The following CELF2 variants were observed in gnomAD, a reference collection of about 807,000 sequenced individuals.
CELF2 encodes the protein CUG triplet repeat RNA-binding protein 2.
Under a neutral mutation model 62.6 loss-of-function variants are expected in CELF2, and 8 were observed. The observed-to-expected ratio is 0.13, with a 90% CI of 0.07 to 0.23. The LOEUF (loss-of-function observed/expected upper bound fraction) is 0.23. Among genes scored for constraint, CELF2 ranks in the 10% least tolerant of loss-of-function variants. The pLI, the probability that CELF2 is intolerant of heterozygous loss-of-function variation, is 1.00. For missense variants in CELF2, 333 were observed against 671.0 expected, an observed-to-expected ratio of 0.50 and a Z score of 5.56; for synonymous variants, 258 against 250.0, an observed-to-expected ratio of 1.03 and a Z score of -0.30.
chr10:10,850,985 T>C (rs945021869), intron 1 of CELF2, among the ~76,000 whole-genome samples: 22 of 152,066 alleles, frequency 1.4e-4, no homozygotes, highest in Admixed American at 6.6e-5. Context: ...TTTGTATTTT[T>C]AGTAGAGACG....
At chr10:11,204,301 T>G (rs1377787762) in intron 2 of CELF2, among the ~76,000 whole-genome samples, 1 of 152,224 alleles carries the variant, frequency 6.6e-6, no homozygotes, top group Non-Finnish European at 1.5e-5. Flanking sequence ...ACCTAGCCAT[T>G]AAACCGCATC....
the CELF2 span, among the ~76,000 whole-genome samples, chr10:10,651,420 G>A: frequency 7.0e-6 from 1 of 142,702 alleles, no homozygotes; most frequent in Non-Finnish European, 1.6e-5. Flanking sequence ...TGGGGGCAGG[G>A]CACAGACAAA....
In CELF2 at chr10:11,332,467, G is replaced by C. The variant is rs2096046010; in HGVS notation, c.*3414G>C. The C allele has an allele frequency of 6.6e-6, 1 of 152,156 alleles. No individual in the cohort carries two copies. Among genetic ancestry groups the C allele is most frequent in the Admixed American group, 6.6e-5 (1 of 15,240 alleles). The allele number at this position is 152,156 out of a possible 1,614,324, so 9.4% of individuals were successfully genotyped here. On this transcript the variant is annotated 3_prime_UTR_variant, in exon 13 of 13. Transcript: ENST00000633077. ...ATTGAACACATTTCATCTAAGTAAA[G>C]CTCAGTTCTTTATCACAATTTACTG...
chr10:10,969,525 C>G (rs2050524503), intron 2 of CELF2, among the ~76,000 whole-genome samples: 2 of 152,170 alleles, frequency 1.3e-5, no homozygotes, highest in Non-Finnish European at 2.9e-5. Context: ...CCCCGTTGTG[C>G]TACACATACA....
intron 1 of CELF2, among the ~76,000 whole-genome samples, chr10:10,832,635 T>C (rs1276107148): frequency 6.6e-6 from 1 of 152,156 alleles, no homozygotes; most frequent in Non-Finnish European, 1.5e-5. Flanking sequence ...GATGATCAAA[T>C]CAATTGACTA....
chr10:10,928,329 T>C lies in CELF2; in HGVS notation c.89+8330T>C, dbSNP rs1479490495. ...TTTCAGAGATAAGAAAACTGAGATCTGGTCTCCTACTCTTTGTATGTGTTC... is the reference window on the plus strand; with the variant it reads ...TTTCAGAGATAAGAAAACTGAGATCCGGTCTCCTACTCTTTGTATGTGTTC... On this transcript the variant is annotated intron_variant, in intron 2 of 13. Transcript: ENST00000636488. The surrounding 1 kb of genome is among the most constrained non-coding windows in gnomAD (Gnocchi z 4.8). 6.6e-6 allele frequency among the ~76,000 whole-genome samples: 1 copy of C among 152,162 alleles called. No homozygotes were observed. Among genetic ancestry groups the C allele is most frequent in the Non-Finnish European group, 1.5e-5 (1 of 68,028 alleles).
chr10:10,489,792 T>C, the CELF2 span, among the ~76,000 whole-genome samples: 3 of 152,080 alleles, frequency 2.0e-5, no homozygotes, highest in Non-Finnish European at 2.9e-5. Flanking sequence ...ATGGTAAGAT[T>C]TCAGGTGGAG....
At chr10:11,160,549 A>G (rs1054187318) in intron 1 of CELF2, among the ~76,000 whole-genome samples, 3 of 151,760 alleles carry the variant, frequency 2.0e-5, no homozygotes, top group African/African-American at 4.8e-5. Flanking sequence ...CATTAGCCAC[A>G]TGTATCTAGT....
rs2082923545 is a variant in CELF2, at chr10:11,268,912, C to G, written c.619-1754C>G. Among the ~76,000 whole-genome samples the G allele has an allele frequency of 6.6e-6, 1 of 152,152 alleles. No homozygotes were observed. The highest frequency in any genetic ancestry group is 2.4e-5 in the African/African-American group (1 of 41,420). The stretch of plus-strand genomic sequence containing the variant: ...TAATTTTATATCGTGCCTTCTGTTT[C>G]TCCACTTGCCTTCACTCTATCCCTG... On this transcript the variant is annotated intron_variant, in intron 6 of 12. Coordinates refer to ENST00000633077, the MANE Select transcript of CELF2 (RefSeq NM_001326342.2). This position sits in a 1 kb window ranked among gnomAD's most constrained non-coding sequence, Gnocchi z 4.7.
At chr10:10,696,982 C>G in the CELF2 span, among the ~76,000 whole-genome samples, 1 of 152,172 alleles carries the variant, frequency 6.6e-6, no homozygotes, top group Non-Finnish European at 1.5e-5. Context: ...GGGAGCTGTT[C>G]CTATTCGGCC....
At chr10:10,840,815 A>G (rs1041508515) in intron 1 of CELF2, among the ~76,000 whole-genome samples, 4 of 151,960 alleles carry the variant, frequency 2.6e-5, no homozygotes, top group African/African-American at 4.8e-5. Flanking sequence ...TGCATTTGGT[A>G]TTTGTCCTAA....
the CELF2 span, among the ~76,000 whole-genome samples, chr10:10,753,403 A>C: frequency 1.3e-5 from 2 of 152,140 alleles, no homozygotes; most frequent in East Asian, 1.9e-4. Context: ...AGAGTGATTC[A>C]CAAAAAAATA....
chr10:10,868,884 A>G (rs1014377175), intron 1 of CELF2, among the ~76,000 whole-genome samples: 1 of 152,254 alleles, frequency 6.6e-6, no homozygotes, highest in African/African-American at 2.4e-5. Flanking sequence ...GTAGGTCTTC[A>G]TAGAATTTAG....
At chr10:10,845,646 A>G (rs2058966437) in intron 1 of CELF2, among the ~76,000 whole-genome samples, 1 of 152,244 alleles carries the variant, frequency 6.6e-6, no homozygotes, top group Admixed American at 6.5e-5. Context: ...TTCACAATGC[A>G]TACATGTCTC....
At chr10:11,032,200 T>C (rs1447860563) in intron 1 of CELF2, among the ~76,000 whole-genome samples, 1 of 142,010 alleles carries the variant, frequency 7.0e-6, no homozygotes, top group South Asian at 2.3e-4. Flanking sequence ...CACTACATCA[T>C]GGGCTCTTTC....
At chr10:11,179,894 C>T (rs921829968) in intron 2 of CELF2, among the ~76,000 whole-genome samples, 3 of 152,146 alleles carry the variant, frequency 2.0e-5, no homozygotes, top group African/African-American at 4.8e-5. Flanking sequence ...GCAAAGCTTA[C>T]GTGGTGTCAG....
chr10:10,519,126 AT>A, the CELF2 span, among the ~76,000 whole-genome samples: 2 of 152,198 alleles, frequency 1.3e-5, no homozygotes, highest in South Asian at 2.1e-4. Context: ...TAGGAACAGA[AT>A]TTAGCAAAAT....
At chr10:11,261,921 A>AAATACACACACTCTCACTTACCCAC (rs1417290284) in intron 5 of CELF2, among the ~76,000 whole-genome samples, 2 of 152,194 alleles carry the variant, frequency 1.3e-5, no homozygotes, top group African/African-American at 4.8e-5. Context: ...TGATTTCCTA[A>AAATACACACACTCTCACTTACCCAC]AATACACACA....
chr10:10,660,228 T>C, the CELF2 span, among the ~76,000 whole-genome samples: 1 of 152,220 alleles, frequency 6.6e-6, no homozygotes, highest in Non-Finnish European at 1.5e-5. Context: ...CTTTCACAGA[T>C]ATAATAATAA....
Sources: gnomAD v4.1 joint callset for allele counts (sites outside exome capture counted in the v4.1 genomes callset) on GRCh38, gnomAD v4.1.1 for gene constraint, Gnocchi (gnomAD v3.1) non-coding constraint, MANE v1.5 for transcripts, NCBI Gene and HGNC (gene_info 2026-07-23, HGNC 2026-07-21) for gene names.